Variants in GULP1 observed in about 807,000 individuals in gnomAD.
GULP1 encodes PTB domain-containing engulfment adapter protein 1.
GULP1 carries 19 observed loss-of-function variants against 40.9 expected under a neutral mutation model. The ratio of observed to expected loss-of-function variants is 0.46; its 90% confidence interval spans 0.32 to 0.68. The LOEUF (loss-of-function observed/expected upper bound fraction) is 0.68. Ranked by LOEUF, GULP1 falls within the 30% of genes least tolerant of loss-of-function variation. The pLI is 0.03. For missense variants in GULP1, 312 were observed against 362.2 expected (o/e 0.86, Z 1.12); for synonymous variants, 119 against 117.6 (o/e 1.01, Z -0.08).
intron 2 of GULP1, among the ~76,000 whole-genome samples, chr2:188,459,833 T>C (rs1344712026): frequency 6.6e-6 from 1 of 152,148 alleles, no homozygotes; most frequent in Non-Finnish European, 1.5e-5. Flanking sequence ...TGGCAAGAGA[T>C]GGGGTCTAGT....
At chr2:188,528,516 G>A (rs1472936761) in intron 5 of GULP1, among the ~76,000 whole-genome samples, 1 of 151,938 alleles carries the variant, frequency 6.6e-6, no homozygotes, top group East Asian at 1.9e-4. Flanking sequence ...AAAAAAAACT[G>A]TGCTTTCAAG....
chr2:188,419,880 G>A (rs1468836763), intron 2 of GULP1, among the ~76,000 whole-genome samples: 1 of 152,104 alleles, frequency 6.6e-6, no homozygotes, highest in Non-Finnish European at 1.5e-5. Flanking sequence ...TTTAGTGTAC[G>A]TTGTAAGATA....
intron 1 of GULP1, among the ~76,000 whole-genome samples, chr2:188,330,443 CAG>C (rs1198978119): frequency 6.6e-6 from 1 of 152,096 alleles, no homozygotes; most frequent in Non-Finnish European, 1.5e-5. Flanking sequence ...TCCTGCCAAA[CAG>C]AATTAAATTA....
chr2:188,463,148 A>C (rs1400308075), intron 2 of GULP1, among the ~76,000 whole-genome samples: 1 of 152,148 alleles, frequency 6.6e-6, no homozygotes, highest in Non-Finnish European at 1.5e-5. Flanking sequence ...GCTCATTAAC[A>C]TACTTTTCTT....
At chr2:188,534,300 T>C (rs1484598609) in intron 6 of GULP1, among the ~76,000 whole-genome samples, 1 of 151,944 alleles carries the variant, frequency 6.6e-6, no homozygotes, top group East Asian at 1.9e-4. Context: ...TGGAACACTA[T>C]GCAACCATAG....
chr2:188,322,603 ATTC>A (rs1388879257), intron 1 of GULP1, among the ~76,000 whole-genome samples: 1 of 152,124 alleles, frequency 6.6e-6, no homozygotes, highest in Non-Finnish European at 1.5e-5. Flanking sequence ...CAACACTGCA[ATTC>A]TTCTCTACCT....
intron 2 of GULP1, among the ~76,000 whole-genome samples, chr2:188,404,214 A>T (rs1013667314): frequency 2.6e-5 from 4 of 152,206 alleles, no homozygotes; most frequent in Non-Finnish European, 4.4e-5. Flanking sequence ...TCATAATTAT[A>T]AAGACTGGTT....
chr2:188,474,770 G>A (rs998724572), intron 2 of GULP1, among the ~76,000 whole-genome samples: 3 of 152,186 alleles, frequency 2.0e-5, no homozygotes, highest in East Asian at 3.9e-4. Flanking sequence ...TTGGGGAGAC[G>A]ATTGGTGGAG....
chr2:188,461,731 T>C (rs2152965447), intron 2 of GULP1, among the ~76,000 whole-genome samples: 1 of 152,314 alleles, frequency 6.6e-6, no homozygotes, highest in East Asian at 1.9e-4. Flanking sequence ...CTTCTAGACA[T>C]AGTAGCTCAT....
intron 4 of GULP1, among the ~76,000 whole-genome samples, chr2:188,501,649 T>C (rs998263173): frequency 1.3e-5 from 2 of 151,928 alleles, no homozygotes; most frequent in Non-Finnish European, 2.9e-5. Context: ...TAAAGATGTT[T>C]CCGCGTCTTA....
At chr2:188,477,399 A>G (rs2061099782) in intron 2 of GULP1, among the ~76,000 whole-genome samples, 1 of 152,126 alleles carries the variant, frequency 6.6e-6, no homozygotes, top group Non-Finnish European at 1.5e-5. Flanking sequence ...AAATATAGTT[A>G]ATGATGGATA....
In GULP1 at chr2:188,575,555, G is replaced by A. The variant is rs193004403; in HGVS notation, c.609+5435G>A. ...TTGTTTAGAGAAAGTGACCAGGGAA[G>A]CAAGCTCCTTCTAAGGAGGTAGCAC... On this transcript the variant is annotated intron_variant, in intron 9 of 11. Coordinates refer to ENST00000409830, the MANE Select transcript of GULP1 (RefSeq NM_016315.4). Among the ~76,000 whole-genome samples, 55 of 152,316 alleles carry A rather than the reference G, an allele frequency of 3.6e-4. 1 individual carries two copies. The highest frequency in any genetic ancestry group is 6.3e-4 in the Non-Finnish European group (43 of 68,028).
intron 1 of GULP1, among the ~76,000 whole-genome samples, chr2:188,299,802 G>A (rs1273340271): frequency 1.3e-5 from 2 of 152,134 alleles, no homozygotes; most frequent in African/African-American, 4.8e-5. Context: ...ATGTGTGCAG[G>A]TGATTCTTAG....
intron 1 of GULP1, among the ~76,000 whole-genome samples, chr2:188,382,611 G>A (rs376608756): frequency 8.5e-4 from 130 of 152,250 alleles, no homozygotes; most frequent in African/African-American, 2.9e-3. Flanking sequence ...AGCTGGGCGC[G>A]GTAGCTCACA....
rs867691291 is a variant in GULP1, at chr2:188,483,479, C to G, written c.77C>G (p.Pro26Arg). 2.1e-6 allele frequency: 3 copies of G among 1,456,740 alleles called. No homozygotes were observed. Among genetic ancestry groups the G allele is most frequent in the South Asian group, 1.2e-5 (1 of 82,606 alleles). 90.2% of individuals were successfully genotyped at this position (1,456,740 alleles called of 1,614,324 possible). A position where few individuals can be genotyped will look rare whatever the true frequency, so the allele number is the denominator to read the frequency against. Residue 26 changes from proline to arginine, a missense_variant, in exon 4 of 12, where the codon CCC (proline) becomes CGC (arginine). Physicochemically the swap from Pro to Arg is moderately radical, Grantham distance 103. Coordinates refer to ENST00000409830, the MANE Select transcript of GULP1 (RefSeq NM_016315.4). The part of the protein sequence containing the change: ...TPEALSKHFI[P>R]YNAKFLGSTE... The stretch of plus-strand genomic sequence containing the variant: ...GAAGCTTTATCAAAACATTTCATTC[C>G]CTATAATGCAAAGGTAAAAATAGTT...
At chr2:188,430,371 A>G (rs2056724364) in intron 2 of GULP1, among the ~76,000 whole-genome samples, 1 of 152,210 alleles carries the variant, frequency 6.6e-6, no homozygotes, top group African/African-American at 2.4e-5. Flanking sequence ...GGTAAGGAAG[A>G]GCCTGCAGTG....
chr2:188,540,181 AC>A (rs1336720096), intron 6 of GULP1, among the ~76,000 whole-genome samples: 1 of 152,080 alleles, frequency 6.6e-6, no homozygotes, highest in Non-Finnish European at 1.5e-5. Flanking sequence ...ATTTATGACT[AC>A]AACAGAAAAA....
intron 1 of GULP1, among the ~76,000 whole-genome samples, chr2:188,323,066 T>TTTC (rs1304801949): frequency 6.6e-6 from 1 of 152,074 alleles, no homozygotes; most frequent in Non-Finnish European, 1.5e-5. Flanking sequence ...TTTGCTGTCC[T>TTTC]TTCTTCTCTT....
rs13032231 is a variant in GULP1, at chr2:188,314,925, G to A, written c.-172+22759G>A. Among the ~76,000 whole-genome samples the A allele has an allele frequency of 9.9e-5, 15 of 152,030 alleles. No individual in the cohort carries two copies. In the East Asian group the frequency reaches 2.5e-3, roughly 26 times the overall value. On this transcript the variant is annotated intron_variant, in intron 1 of 11. Coordinates refer to ENST00000409830, the MANE Select transcript of GULP1 (RefSeq NM_016315.4). ...CCATTAGTCACTTAGTAGCCATCCCGTTATCAGATCTGCTGTCTTGGTATA... is the reference window on the plus strand; with the variant it reads ...CCATTAGTCACTTAGTAGCCATCCCATTATCAGATCTGCTGTCTTGGTATA...
Sources: allele counts gnomAD v4.1 joint callset (sites outside exome capture counted in the v4.1 genomes callset), GRCh38; gene constraint gnomAD v4.1.1; transcripts MANE v1.5; gene names NCBI Gene and HGNC (gene_info 2026-07-23, HGNC 2026-07-21).